Variants in RCAN2 observed in about 807,000 individuals in gnomAD.
The protein encoded by RCAN2 is calcipressin-2.
A neutral mutation model predicts 23.6 loss-of-function variants in RCAN2; 9 were observed. The observed-to-expected ratio is 0.38, with a 90% CI of 0.23 to 0.67. The LOEUF is 0.67. Ranked by LOEUF, RCAN2 falls within the 30% of genes least tolerant of loss-of-function variation. The pLI is 0.51. For synonymous variants in RCAN2, 109 were observed against 115.7 expected, an observed-to-expected ratio of 0.94 and a Z score of 0.37; for missense variants, 273 against 302.3, an observed-to-expected ratio of 0.90 and a Z score of 0.72.
At chr6:46,436,966 A>T (rs141128771) in intron 2 of RCAN2, among the ~76,000 whole-genome samples, 1,641 of 152,304 alleles carry the variant, frequency 0.011, 18 homozygotes, top group Middle Eastern at 0.02. Flanking sequence ...CTTCAGTCAC[A>T]TGTAGACACA....
chr6:46,473,869 A>T (rs1280457203), intron 1 of RCAN2, among the ~76,000 whole-genome samples: 1 of 152,240 alleles, frequency 6.6e-6, no homozygotes, highest in Non-Finnish European at 1.5e-5. Flanking sequence ...AAACAAAGAC[A>T]GTATTTTAAC....
At chr6:46,314,359 CAAAAAAAAA>C (rs537111154) in intron 2 of RCAN2, among the ~76,000 whole-genome samples, 3 of 92,204 alleles carry the variant, frequency 3.3e-5, no homozygotes, top group Admixed American at 1.2e-4. Context: ...GAGACTCTGT[CAAAAAAAAA>C]AAAAAAAAAA....
intron 2 of RCAN2, among the ~76,000 whole-genome samples, chr6:46,251,017 A>G (rs533887871): frequency 4.5e-4 from 69 of 152,298 alleles, no homozygotes; most frequent in African/African-American, 1.6e-3. Context: ...ATACCAGTCC[A>G]AGGACCCCAA....
chr6:46,243,826 A>C (rs1204217857), intron 4 of RCAN2, among the ~76,000 whole-genome samples: 1 of 150,586 alleles, frequency 6.6e-6, no homozygotes, highest in Non-Finnish European at 1.5e-5. Context: ...AAAAAAAAAA[A>C]AAAAAACCAA....
At position 46,223,137 on chromosome 6, in the gene RCAN2, C is replaced by A. The variant is rs1945465631; in HGVS notation, c.*4G>T. On this transcript the variant is annotated 3_prime_UTR_variant, in exon 5 of 5. Transcript: ENST00000371374. ...ACGGCTATTATCGAGAAGGAGCAGG[C>A]AGCTCAGTTGGACACGGAGGGTGGC... 3 of 1,612,816 alleles carry A rather than the reference C, an allele frequency of 1.9e-6. No homozygotes were observed. Among genetic ancestry groups the A allele is most frequent in the Admixed American group, 3.3e-5 (2 of 59,984 alleles).
At chr6:46,385,683 C>G (rs1296030288) in intron 2 of RCAN2, among the ~76,000 whole-genome samples, 1 of 151,650 alleles carries the variant, frequency 6.6e-6, no homozygotes, top group Non-Finnish European at 1.5e-5. Flanking sequence ...ATGGTGAAAC[C>G]CTGTTTCTAC....
intron 2 of RCAN2, among the ~76,000 whole-genome samples, chr6:46,392,075 C>A (rs1233533760): frequency 1.3e-5 from 2 of 152,146 alleles, no homozygotes; most frequent in African/African-American, 4.8e-5. Context: ...TCATTAATTA[C>A]AAGCTTAATA....
chr6:46,361,139 T>C (rs752992403), intron 2 of RCAN2, among the ~76,000 whole-genome samples: 106 of 152,142 alleles, frequency 7.0e-4, no homozygotes, highest in Non-Finnish European at 8.2e-4. Flanking sequence ...AGCCTTGACA[T>C]GGAAAAGTGA....
intron 2 of RCAN2, among the ~76,000 whole-genome samples, chr6:46,355,923 T>C (rs1369505432): frequency 1.3e-5 from 2 of 152,202 alleles, no homozygotes; most frequent in East Asian, 3.9e-4. Context: ...CTGCTCCACT[T>C]GGGCTGGCTG....
At chr6:46,442,221 A>G (rs1025575516) in intron 2 of RCAN2, among the ~76,000 whole-genome samples, 2 of 152,228 alleles carry the variant, frequency 1.3e-5, no homozygotes, top group African/African-American at 4.8e-5. Context: ...CTCTGAAAAA[A>G]GTAATGTTCT....
intron 2 of RCAN2, among the ~76,000 whole-genome samples, chr6:46,294,536 A>G (rs1252150639): frequency 6.6e-6 from 1 of 152,150 alleles, no homozygotes; most frequent in African/African-American, 2.4e-5. Context: ...AACAAACTAA[A>G]TGTTCAACAA....
chr6:46,263,452 AGT>A (rs372510159), intron 2 of RCAN2, among the ~76,000 whole-genome samples: 2,979 of 124,194 alleles, frequency 0.024, 67 homozygotes, highest in African/African-American at 0.065. Flanking sequence ...GTCATCAGAG[AGT>A]GTGTGTGTGT....
intron 2 of RCAN2, among the ~76,000 whole-genome samples, chr6:46,360,927 G>C (rs2150383391): frequency 6.6e-6 from 1 of 152,188 alleles, no homozygotes; most frequent in South Asian, 2.1e-4. Context: ...GAATAGTGAA[G>C]GTATAATAAC....
chr6:46,303,626 G>A (rs1314429630), intron 2 of RCAN2, among the ~76,000 whole-genome samples: 3 of 151,976 alleles, frequency 2.0e-5, no homozygotes, highest in Admixed American at 6.6e-5. Context: ...TAGAAGGCTC[G>A]TTTCTGCCCT....
At chr6:46,284,334 G>GT (rs1762301982) in intron 2 of RCAN2, among the ~76,000 whole-genome samples, 1 of 152,146 alleles carries the variant, frequency 6.6e-6, no homozygotes, top group African/African-American at 2.4e-5. Context: ...ATGTGGGGGT[G>GT]TAATTGCAAA....
At chr6:46,460,298 A>G (rs1489987664) in intron 1 of RCAN2, among the ~76,000 whole-genome samples, 1 of 152,170 alleles carries the variant, frequency 6.6e-6, no homozygotes, top group Non-Finnish European at 1.5e-5. Context: ...CTAGCCTCAA[A>G]TAGTCCTCCC....
At chr6:46,230,587 T>A (rs1221050081) in intron 4 of RCAN2, among the ~76,000 whole-genome samples, 1 of 152,182 alleles carries the variant, frequency 6.6e-6, no homozygotes, top group Non-Finnish European at 1.5e-5. Flanking sequence ...AGGCACAGGA[T>A]ATAATCTCCT....
chr6:46,453,970 C>G (rs1038727812), intron 2 of RCAN2, among the ~76,000 whole-genome samples: 4 of 152,218 alleles, frequency 2.6e-5, no homozygotes, highest in African/African-American at 9.6e-5. Context: ...GTCTCCACCC[C>G]CTGCTATAAT....
At chr6:46,411,714 T>C (rs1370354140) in intron 2 of RCAN2, among the ~76,000 whole-genome samples, 1 of 152,080 alleles carries the variant, frequency 6.6e-6, no homozygotes, top group Non-Finnish European at 1.5e-5. Flanking sequence ...GATGAGTCAG[T>C]GAAGCTGAGA....
Sources: allele counts gnomAD v4.1 joint callset (sites outside exome capture counted in the v4.1 genomes callset), GRCh38; gene constraint gnomAD v4.1.1; transcripts MANE v1.5; gene names NCBI Gene and HGNC (gene_info 2026-07-23, HGNC 2026-07-21).